SCARB1: variants seen among roughly 807,000 people sequenced by gnomAD.
The protein encoded by SCARB1 is CD36 and LIMPII analogous 1.
A neutral mutation model predicts 57.2 loss-of-function variants in SCARB1; 30 were observed. The ratio of observed to expected loss-of-function variants is 0.52; its 90% CI spans 0.39 to 0.71. The LOEUF (loss-of-function observed/expected upper bound fraction) is 0.71. SCARB1 is among the 30% of genes least tolerant of loss of function. SCARB1 has a pLI of 0.00. For missense variants in SCARB1, 543 were observed against 671.2 expected (o/e 0.81, Z 2.11); for synonymous variants, 249 against 268.3 (o/e 0.93, Z 0.70).
At position 124,838,921 on chromosome 12, in the gene SCARB1, C is replaced by A. The variant is rs1305143868; in HGVS notation, c.127-21214G>T. 2.6e-5 allele frequency among the ~76,000 whole-genome samples: 4 copies of A among 151,978 alleles called. No homozygotes were observed. The South Asian group carries it at 8.4e-4, about 32-fold the overall frequency. On this transcript the variant is annotated intron_variant, in intron 1 of 12. Coordinates refer to ENST00000261693, the MANE Select transcript of SCARB1 (RefSeq NM_005505.5). ...TCCTAAGTAGCTGGGATTACAGGCG[C>A]CTGCCACCATGCCAGGCTAATTTTT...
intron 1 of SCARB1, among the ~76,000 whole-genome samples, chr12:124,835,230 C>CCG (rs1215669094): frequency 2.0e-5 from 3 of 151,858 alleles, no homozygotes; most frequent in African/African-American, 4.8e-5. Flanking sequence ...GGCCCGTGAC[C>CCG]ATCGCACCGG....
Position 124,842,182 on chromosome 12 carries a change from G to A in SCARB1, c.126+21413C>T, listed in dbSNP as rs1385125516. The stretch of plus-strand genomic sequence containing the variant: ...AAACAGCTGGGGATGAATGCAAAGC[G>A]CCCCACGCCCCGTGTCACTCCCAGC... On this transcript the variant is annotated intron_variant, in intron 1 of 12. Coordinates refer to ENST00000261693, the MANE Select transcript of SCARB1 (RefSeq NM_005505.5). 3.9e-5 allele frequency among the ~76,000 whole-genome samples: 6 copies of A among 152,198 alleles called. No individual in the cohort carries two copies. In the East Asian group the frequency reaches 5.8e-4, roughly 15 times the overall value.
chr12:124,830,207 G>A (rs750301741), intron 1 of SCARB1, among the ~76,000 whole-genome samples: 1 of 152,222 alleles, frequency 6.6e-6, no homozygotes, highest in East Asian at 1.9e-4. Flanking sequence ...ACAAGTGCTG[G>A]TGAGGATGTG....
At chr12:124,860,399 T>A (rs1461240741) in intron 1 of SCARB1, among the ~76,000 whole-genome samples, 2 of 152,266 alleles carry the variant, frequency 1.3e-5, no homozygotes, top group South Asian at 4.1e-4. Context: ...CCTCGGAAGA[T>A]GAGCATCCCT....
chr12:124,832,827 T>C (rs1951459576), intron 1 of SCARB1, among the ~76,000 whole-genome samples: 1 of 152,194 alleles, frequency 6.6e-6, no homozygotes, highest in Non-Finnish European at 1.5e-5. Flanking sequence ...GCATTTTCAT[T>C]GTATTAGCTT....
At chr12:124,779,754 G>A (rs1873081124) in intron 12 of SCARB1, among the ~76,000 whole-genome samples, 2 of 152,100 alleles carry the variant, frequency 1.3e-5, no homozygotes, top group African/African-American at 4.8e-5. Context: ...CCCGGTGGCT[G>A]GGGCTGGAAA....
intron 2 of SCARB1, 94 bp from the exon 3 acceptor site, chr12:124,815,208 C>G: frequency 6.9e-7 from 1 of 1,439,160 alleles, no homozygotes; most frequent in East Asian, 2.3e-5. Context: ...AACCAGGGGC[C>G]CTGGACGTCT....
intron 9 of SCARB1, among the ~76,000 whole-genome samples, chr12:124,794,794 G>A (rs1036403133): frequency 6.6e-6 from 1 of 152,112 alleles, no homozygotes; most frequent in Non-Finnish European, 1.5e-5. Context: ...GCCGGGCGTG[G>A]TGGCACATGC....
Position 124,778,417 on chromosome 12 carries a change from T to C in SCARB1, c.*170A>G, listed in dbSNP as rs374062133. On this transcript the variant is annotated 3_prime_UTR_variant, in exon 13 of 13. Transcript: ENST00000261693. ...AAGCCTGCACGCATGTGTGTATGTG[T>C]GCCAGGGCGTGTGTGCAGGTGTGCA... 262 of 1,284,058 alleles carry C rather than the reference T, an allele frequency of 2.0e-4. No homozygotes were observed. In the African/African-American group the frequency reaches 3.7e-3, roughly 18 times the overall value. The allele number at this position is 1,284,058 out of a possible 1,614,324, so 79.5% of individuals were successfully genotyped here. A position where few individuals can be genotyped will look rare whatever the true frequency, so the allele number is the denominator to read the frequency against.
At chr12:124,852,838 C>T (rs1377268958) in intron 1 of SCARB1, among the ~76,000 whole-genome samples, 9 of 152,196 alleles carry the variant, frequency 5.9e-5, no homozygotes, top group African/African-American at 1.7e-4. Flanking sequence ...GTCAGGAGTT[C>T]GAGACCAGCC....
At chr12:124,858,857 C>T (rs533129771) in intron 1 of SCARB1, among the ~76,000 whole-genome samples, 13 of 150,172 alleles carry the variant, frequency 8.7e-5, no homozygotes, top group South Asian at 6.3e-4. Flanking sequence ...CCAGCCTGGG[C>T]GACAGAGCCA....
At chr12:124,861,336 GTCT>G (rs1555266938) in intron 1 of SCARB1, among the ~76,000 whole-genome samples, 15 of 152,026 alleles carry the variant, frequency 9.9e-5, no homozygotes, top group Non-Finnish European at 2.2e-4. Context: ...TTGTTTTTAT[GTCT>G]TTTTTTAGTT....
At chr12:124,830,722 G>C (rs1420460380) in intron 1 of SCARB1, among the ~76,000 whole-genome samples, 5 of 152,060 alleles carry the variant, frequency 3.3e-5, no homozygotes, top group Non-Finnish European at 7.4e-5. Flanking sequence ...TGCATACCTA[G>C]GTGAAAATCC....
chr12:124,852,706 T>C (rs753107398), intron 1 of SCARB1, among the ~76,000 whole-genome samples: 4 of 152,250 alleles, frequency 2.6e-5, no homozygotes, highest in Non-Finnish European at 4.4e-5. Context: ...TTTCAGAGAC[T>C]ATTAAGGGCT....
At chr12:124,856,496 A>C (rs1412781620) in intron 1 of SCARB1, among the ~76,000 whole-genome samples, 1 of 152,206 alleles carries the variant, frequency 6.6e-6, no homozygotes, top group African/African-American at 2.4e-5. Flanking sequence ...AAAATAGCCC[A>C]TGTTTTTCAG....
chr12:124,794,118 A>G (rs1949838463), intron 9 of SCARB1, among the ~76,000 whole-genome samples: 1 of 152,192 alleles, frequency 6.6e-6, no homozygotes, highest in Non-Finnish European at 1.5e-5. Context: ...CAGGAAGTGG[A>G]TGAACGGTTG....
chr12:124,861,328 G>A (rs1247757335), intron 1 of SCARB1, among the ~76,000 whole-genome samples: 1 of 152,012 alleles, frequency 6.6e-6, no homozygotes, highest in African/African-American at 2.4e-5. Context: ...ATACAGTATT[G>A]TTTTTATGTC....
At chr12:124,786,048 C>T (rs955121523) in intron 11 of SCARB1, 10 of 1,508,416 alleles carry the variant, frequency 6.6e-6, no homozygotes, top group East Asian at 2.5e-5. Flanking sequence ...CTGGCATCCC[C>T]GGGTGCTGAC....
intron 9 of SCARB1, among the ~76,000 whole-genome samples, chr12:124,792,966 C>T (rs1949785119): frequency 6.6e-6 from 1 of 152,018 alleles, no homozygotes; most frequent in African/African-American, 2.4e-5. Flanking sequence ...AGTTAGCAGC[C>T]CAGGTGCCAC....
Sources: gnomAD v4.1 joint callset for allele counts (sites outside exome capture counted in the v4.1 genomes callset) on GRCh38, gnomAD v4.1.1 for gene constraint, MANE v1.5 for transcripts, NCBI Gene and HGNC (gene_info 2026-07-23, HGNC 2026-07-21) for gene names.